SLC36A1: variants seen among roughly 807,000 people sequenced by gnomAD.
The protein encoded by SLC36A1 is proton-coupled amino acid transporter 1.
SLC36A1 carries 30 observed loss-of-function variants against 47.5 expected under a neutral mutation model. The observed-to-expected ratio is 0.63, with a 90% CI of 0.47 to 0.86. The LOEUF (loss-of-function observed/expected upper bound fraction) is 0.86, where lower values mean the gene tolerates loss of function less well. Ranked by LOEUF, SLC36A1 falls within the 40% of genes least tolerant of loss-of-function variation. The pLI is 0.00. For synonymous variants in SLC36A1, 255 were observed against 249.7 expected, an observed-to-expected ratio of 1.02 and a Z score of -0.20; for missense variants, 517 against 606.0, an observed-to-expected ratio of 0.85 and a Z score of 1.54.
chr5:151,525,447 G>C, the SLC36A1 span, among the ~76,000 whole-genome samples: 58 of 152,346 alleles, frequency 3.8e-4, no homozygotes, highest in African/African-American at 1.3e-3. Flanking sequence ...CAGGCACAGA[G>C]CAGGGATTAA....
At chr5:151,485,694 T>C (rs1759420026) in intron 10 of SLC36A1, among the ~76,000 whole-genome samples, 1 of 152,232 alleles carries the variant, frequency 6.6e-6, no homozygotes, top group Non-Finnish European at 1.5e-5. Context: ...GTAGTAATAT[T>C]GTGGAGTTAC....
the SLC36A1 span, among the ~76,000 whole-genome samples, chr5:151,402,585 C>T: frequency 6.6e-6 from 1 of 152,094 alleles, no homozygotes; most frequent in Non-Finnish European, 1.5e-5. Context: ...CTTTGTACAT[C>T]TAATAGAATT....
intron 10 of SLC36A1, among the ~76,000 whole-genome samples, chr5:151,487,028 C>G (rs1397904268): frequency 6.6e-6 from 1 of 152,182 alleles, no homozygotes; most frequent in East Asian, 1.9e-4. Context: ...AACAAGAAAA[C>G]TGGGGAATAG....
chr5:151,432,352 C>G (rs1054538185), upstream of SLC36A1, among the ~76,000 whole-genome samples: 8 of 152,128 alleles, frequency 5.3e-5, no homozygotes, highest in Non-Finnish European at 1.2e-4. Context: ...AAGGAAAATC[C>G]CTTGCATTGC....
the SLC36A1 span, chr5:151,544,448 C>G: frequency 1.2e-6 from 2 of 1,614,170 alleles, no homozygotes; most frequent in South Asian, 1.1e-5. Flanking sequence ...GGCCCTGTTA[C>G]TGTTAGGACA....
the SLC36A1 span, among the ~76,000 whole-genome samples, chr5:151,512,981 C>G: frequency 6.6e-6 from 1 of 152,216 alleles, no homozygotes. This position sits in a 1 kb window ranked among gnomAD's most constrained non-coding sequence, Gnocchi z 4.1. Context: ...GTCTCCCACT[C>G]CCACTTCCTT....
the SLC36A1 span, chr5:151,527,118 T>G: frequency 3.5e-5 from 38 of 1,075,202 alleles, no homozygotes; most frequent in South Asian, 5.9e-4. Context: ...TTTGGGGACA[T>G]CAGTGGCAAA....
At chr5:151,494,211 G>A (rs143555996), downstream of SLC36A1, among the ~76,000 whole-genome samples, 31 of 152,186 alleles carry the variant, frequency 2.0e-4, no homozygotes, top group Non-Finnish European at 4.0e-4. Flanking sequence ...CTCATACTTT[G>A]CCCATTGCGG....
upstream of SLC36A1, among the ~76,000 whole-genome samples, chr5:151,446,518 G>A (rs1427738610): frequency 2.0e-5 from 3 of 151,892 alleles, no homozygotes; most frequent in Non-Finnish European, 2.9e-5. Context: ...CAATAAGAGC[G>A]CAACTTTGTC....
At chr5:151,347,775 T>G in the SLC36A1 span, among the ~76,000 whole-genome samples, 1 of 152,210 alleles carries the variant, frequency 6.6e-6, no homozygotes, top group Admixed American at 6.5e-5. Flanking sequence ...TAATAACAAA[T>G]ATCTATTAAG....
At position 151,491,495 on chromosome 5, in the gene SLC36A1, G is replaced by A. The variant is rs1026100890; in HGVS notation, c.*3241G>A. On this transcript the variant is annotated 3_prime_UTR_variant, in exon 11 of 11. Transcript: ENST00000243389. ...CAAACAAGTACATTAGAAAAATCAT[G>A]TTTCTTCTCTCTCATCTTACTTTTT... is the stretch of plus-strand genomic sequence containing the variant. 7.1e-6 allele frequency: 1 copy of A among 140,092 alleles called. No homozygotes were observed. The highest frequency in any genetic ancestry group is 1.5e-5 in the Non-Finnish European group (1 of 66,230). 8.7% of individuals were successfully genotyped at this position (140,092 alleles called of 1,614,324 possible). A position where few individuals can be genotyped will look rare whatever the true frequency, so the allele number is the denominator to read the frequency against.
chr5:151,465,408 T>C (rs914473457), intron 5 of SLC36A1, among the ~76,000 whole-genome samples: 2 of 152,264 alleles, frequency 1.3e-5, no homozygotes, highest in Non-Finnish European at 2.9e-5. Flanking sequence ...GAATGGTCTC[T>C]AGAGCCATTC....
intron 7 of SLC36A1, among the ~76,000 whole-genome samples, chr5:151,473,041 G>T (rs1315531040): frequency 6.6e-6 from 1 of 152,222 alleles, no homozygotes; most frequent in Admixed American, 6.5e-5. Context: ...GTGGTGGCAC[G>T]CACCTGTAGT....
the SLC36A1 span, among the ~76,000 whole-genome samples, chr5:151,350,420 C>G: frequency 6.6e-6 from 1 of 152,226 alleles, no homozygotes; most frequent in Non-Finnish European, 1.5e-5. Context: ...GCATGTGCCT[C>G]TGAAGCTGCA....
the SLC36A1 span, among the ~76,000 whole-genome samples, chr5:151,546,663 C>G: frequency 6.6e-6 from 1 of 151,954 alleles, no homozygotes; most frequent in Admixed American, 6.6e-5. Flanking sequence ...TTCAGTGATG[C>G]CTTTTGTAGG....
chr5:151,531,562 G>C, the SLC36A1 span: 23 of 1,611,176 alleles, frequency 1.4e-5, no homozygotes, highest in Non-Finnish European at 1.9e-5. The surrounding 1 kb of genome is among the most constrained non-coding windows in gnomAD (Gnocchi z 5.7). Flanking sequence ...GCGATGCTTT[G>C]GGGCTTGGTG....
the SLC36A1 span, among the ~76,000 whole-genome samples, chr5:151,398,617 G>C: frequency 1.3e-5 from 2 of 152,182 alleles, no homozygotes; most frequent in Non-Finnish European, 2.9e-5. Flanking sequence ...TTCATGATCT[G>C]TGATTCTGTG....
chr5:151,419,571 G>C, the SLC36A1 span, among the ~76,000 whole-genome samples: 1 of 152,164 alleles, frequency 6.6e-6, no homozygotes, highest in South Asian at 2.1e-4. Context: ...TTAGGGCAGT[G>C]GTTCTCAAAC....
At chr5:151,347,703 C>T in the SLC36A1 span, 2 of 553,218 alleles carry the variant, frequency 3.6e-6, no homozygotes, top group Non-Finnish European at 6.5e-6. Context: ...GAAAAGGCAT[C>T]ACCCATTCGT....
Sources: allele counts gnomAD v4.1 joint callset (sites outside exome capture counted in the v4.1 genomes callset), GRCh38; gene constraint gnomAD v4.1.1; non-coding constraint Gnocchi (gnomAD v3.1); transcripts MANE v1.5; gene names NCBI Gene and HGNC (gene_info 2026-07-23, HGNC 2026-07-21).